The following FKBP3 variants were observed in gnomAD, a reference collection of about 807,000 sequenced individuals.
The protein encoded by FKBP3 is FKBP prolyl isomerase 3, also known as peptidyl-prolyl cis-trans isomerase FKBP3.
A neutral mutation model predicts 30.6 loss-of-function variants in FKBP3; 21 were observed. The observed-to-expected ratio is 0.69, with a 90% CI of 0.49 to 0.99. The LOEUF is 0.99. Ranked by LOEUF, FKBP3 falls within the 50% of genes least tolerant of loss-of-function variation. The pLI is 0.00. For missense variants in FKBP3, 283 were observed against 261.6 expected (o/e 1.08, Z -0.56); for synonymous variants, 82 against 91.3 (o/e 0.90, Z 0.58).
In FKBP3 at chr14:45,118,048, C is replaced by G; in HGVS notation, c.600G>C (p.Lys200Asn). 1.3e-6 allele frequency: 2 copies of G among 1,583,518 alleles called. No homozygotes were observed. Among genetic ancestry groups the G allele is most frequent in the Non-Finnish European group, 1.7e-6 (2 of 1,165,350 alleles). Residue 200 changes from lysine (K) to asparagine (N), a missense_variant, in exon 6 of 7, where the codon AAG (lysine) becomes AAC (asparagine). Coordinates refer to ENST00000396062, the MANE Select transcript of FKBP3 (RefSeq NM_002013.4). ...LEIEPEWAYG[K>N]KGQPDAKIPP... ...GATACTTGGCATCAGGCTGTCCTTTCTTTCCGTAAGCCCATTCTGGTTCAA... is the reference window on the plus strand; with the variant it reads ...GATACTTGGCATCAGGCTGTCCTTTGTTTCCGTAAGCCCATTCTGGTTCAA...
At chr14:45,129,177 A>G (rs1458979024) in intron 3 of FKBP3, among the ~76,000 whole-genome samples, 2 of 152,234 alleles carry the variant, frequency 1.3e-5, no homozygotes, top group Non-Finnish European at 2.9e-5. Flanking sequence ...TGATACTAAG[A>G]CTGCTGGCAA....
intron 3 of FKBP3, among the ~76,000 whole-genome samples, chr14:45,126,474 C>T (rs1204318566): frequency 1.3e-5 from 2 of 151,622 alleles, no homozygotes; most frequent in African/African-American, 2.4e-5. Context: ...GGCAACAGAG[C>T]GTGACCCCGT....
intron 1 of FKBP3, 73 bp from the exon 2 acceptor site, chr14:45,130,873 C>A (rs1454809275): frequency 5.0e-6 from 4 of 801,818 alleles, no homozygotes; most frequent in South Asian, 3.4e-5. Flanking sequence ...GAAAACGATC[C>A]TTTTATGTTA....
chr14:45,134,415 C>T lies in FKBP3; in HGVS notation c.42G>A (p.Gln14=). 6.2e-7 allele frequency: 1 copy of T among 1,613,712 alleles called. No individual in the cohort carries two copies. Among genetic ancestry groups the T allele is most frequent in the Non-Finnish European group, 8.5e-7 (1 of 1,179,898 alleles). The change falls in exon 1 of 7, where the codon CAG becomes CAA. Residue 14 remains glutamine, a synonymous_variant. Transcript: ENST00000396062. The part of the protein sequence containing the change: ...AVPQRAWTVE[Q]LRSEQLPKKD... ...TCTTGGGCAGCTGCTCACTGCGCAG[C>T]TGCTCCACGGTCCACGCCCGCTGTG... is the stretch of plus-strand genomic sequence containing the variant.
intron 3 of FKBP3, among the ~76,000 whole-genome samples, chr14:45,124,721 A>T (rs1008548073): frequency 2.7e-5 from 4 of 150,504 alleles, no homozygotes; most frequent in African/African-American, 1.0e-4. Context: ...TACAGGCAGG[A>T]GCCACTGTGC....
At position 45,116,156 on chromosome 14, in the gene FKBP3, T is replaced by C. The variant is rs910036338; in HGVS notation, c.*42A>G. Reference sequence around the variant, plus strand: ...TGTAAATTTCTTCAAGGCCAAGTTTTATCATTGTTGCTAATATCCTTAGAG... The same window carrying C: ...TGTAAATTTCTTCAAGGCCAAGTTTCATCATTGTTGCTAATATCCTTAGAG... On this transcript the variant is annotated 3_prime_UTR_variant, in exon 7 of 7. Coordinates refer to ENST00000396062, the MANE Select transcript of FKBP3 (RefSeq NM_002013.4). 7.6e-6 allele frequency: 11 copies of C among 1,445,890 alleles called. No homozygotes were observed. Among genetic ancestry groups the C allele is most frequent in the Non-Finnish European group, 9.7e-6 (10 of 1,031,510 alleles). The allele number at this position is 1,445,890 out of a possible 1,614,324, so 89.6% of individuals were successfully genotyped here. A position where few individuals can be genotyped will look rare whatever the true frequency, so the allele number is the denominator to read the frequency against.
intron 6 of FKBP3, among the ~76,000 whole-genome samples, chr14:45,116,516 A>G: frequency 6.6e-6 from 1 of 152,026 alleles, no homozygotes; most frequent in East Asian, 1.9e-4. Flanking sequence ...AGAGAGTATT[A>G]AAGTTTTTAT....
intron 3 of FKBP3, 53 bp from the exon 4 acceptor site, chr14:45,121,673 A>G: frequency 1.3e-6 from 2 of 1,573,704 alleles, no homozygotes; most frequent in Non-Finnish European, 1.7e-6. Flanking sequence ...GTGTCCTTTA[A>G]AAGAATGACA....
At chr14:45,119,251 G>C (rs1310946936) in intron 5 of FKBP3, among the ~76,000 whole-genome samples, 1 of 152,122 alleles carries the variant, frequency 6.6e-6, no homozygotes, top group East Asian at 1.9e-4. Flanking sequence ...GACAAAGTTA[G>C]GGTGGTCACA....
At chr14:45,123,179 T>TAAAAA (rs35440697) in intron 3 of FKBP3, among the ~76,000 whole-genome samples, 1 of 123,166 alleles carries the variant, frequency 8.1e-6, no homozygotes, top group Non-Finnish European at 1.8e-5. Flanking sequence ...AGGCTCCATC[T>TAAAAA]AAAAAAAAAA....
chr14:45,122,308 A>G (rs1885003383), intron 3 of FKBP3, among the ~76,000 whole-genome samples: 1 of 152,184 alleles, frequency 6.6e-6, no homozygotes, highest in African/African-American at 2.4e-5. Context: ...ACCGAATTTA[A>G]AAGTATCCTT....
chr14:45,126,776 G>A (rs930369705), intron 3 of FKBP3, among the ~76,000 whole-genome samples: 1 of 152,018 alleles, frequency 6.6e-6, no homozygotes, highest in African/African-American at 2.4e-5. Flanking sequence ...TGGAGCCCAC[G>A]AGTTTGAGTC....
Position 45,116,126 on chromosome 14 carries a change from A to T in FKBP3, c.*72T>A. The T allele has an allele frequency of 9.8e-7, 1 of 1,022,082 alleles. No individual in the cohort carries two copies. Among genetic ancestry groups the T allele is most frequent in the Non-Finnish European group, 1.5e-6 (1 of 648,892 alleles). 63.3% of individuals were successfully genotyped at this position (1,022,082 alleles called of 1,614,324 possible). A position where few individuals can be genotyped will look rare whatever the true frequency, so the allele number is the denominator to read the frequency against. ...TTTACAATAGTAACAAGTTCTAACT[A>T]GTTGTGTAAATTTCTTCAAGGCCAA... is the stretch of plus-strand genomic sequence containing the variant. On this transcript the variant is annotated 3_prime_UTR_variant, in exon 7 of 7. Coordinates refer to ENST00000396062, the MANE Select transcript of FKBP3 (RefSeq NM_002013.4).
rs748201932 is a variant in FKBP3, at chr14:45,118,132, G to A, written c.523-7C>T. The A allele has an allele frequency of 1.3e-6, 2 of 1,570,470 alleles. No individual in the cohort carries two copies. The highest frequency in any genetic ancestry group is 1.7e-6 in the Non-Finnish European group (2 of 1,160,092). ...TCAAGAGAGCTTCATCCCACTAAAG[G>A]CAAGAACAAAATAAAAACTAATGGT... On this transcript the variant is annotated splice_region_variant and splice_polypyrimidine_tract_variant and intron_variant, in intron 5 of 6. Coordinates refer to ENST00000396062, the MANE Select transcript of FKBP3 (RefSeq NM_002013.4).
chr14:45,121,658 A>T (rs1440356198), intron 3 of FKBP3, 38 bp from the exon 4 acceptor site: 1 of 1,597,274 alleles, frequency 6.3e-7, no homozygotes. Context: ...CAGAGTTATT[A>T]ATTTGTGTCC....
At chr14:45,123,314 G>C (rs1487998300) in intron 3 of FKBP3, among the ~76,000 whole-genome samples, 2 of 151,950 alleles carry the variant, frequency 1.3e-5, no homozygotes, top group Admixed American at 6.6e-5. Flanking sequence ...GGACTATAAA[G>C]ATTTGAACAA....
chr14:45,120,752 A>G, intron 5 of FKBP3, 135 bp downstream of exon 5: 1 of 688,746 alleles, frequency 1.5e-6, no homozygotes, highest in East Asian at 2.6e-5. Context: ...TCAGCTAACA[A>G]TGATTATACC....
At position 45,116,139 on chromosome 14, in the gene FKBP3, T is replaced by G; in HGVS notation, c.*59A>C. 1.6e-6 allele frequency: 2 copies of G among 1,264,058 alleles called. No individual in the cohort carries two copies. Among genetic ancestry groups the G allele is most frequent in the Admixed American group, 3.4e-5 (2 of 58,066 alleles). 78.3% of individuals were successfully genotyped at this position (1,264,058 alleles called of 1,614,324 possible). On this transcript the variant is annotated 3_prime_UTR_variant, in exon 7 of 7. Coordinates refer to ENST00000396062, the MANE Select transcript of FKBP3 (RefSeq NM_002013.4). ...CAAGTTCTAACTAGTTGTGTAAATT[T>G]CTTCAAGGCCAAGTTTTATCATTGT...
chr14:45,124,736 TTAA>T (rs1427459496), intron 3 of FKBP3, among the ~76,000 whole-genome samples: 2 of 151,792 alleles, frequency 1.3e-5, no homozygotes, highest in African/African-American at 2.4e-5. Context: ...CTGTGCCTGC[TTAA>T]TAATATTTCA....
Sources: allele counts gnomAD v4.1 joint callset (sites outside exome capture counted in the v4.1 genomes callset), GRCh38; gene constraint gnomAD v4.1.1; transcripts MANE v1.5; gene names NCBI Gene and HGNC (gene_info 2026-07-23, HGNC 2026-07-21).